The following ZNF462 variants were observed in gnomAD, a reference collection of about 807,000 sequenced individuals.
The protein encoded by ZNF462 is zinc finger PBX1-interacting protein.
ZNF462 carries 10 observed loss-of-function variants against 201.9 expected under a neutral mutation model. The observed-to-expected ratio is 0.05, with a 90% CI of 0.03 to 0.08. The LOEUF (loss-of-function observed/expected upper bound fraction) is 0.08. ZNF462 is among the 10% of genes least tolerant of loss of function. The pLI, the probability that ZNF462 is intolerant of heterozygous loss-of-function variation, is 1.00. For synonymous variants in ZNF462, 1,227 were observed against 1,193.3 expected (o/e 1.03, Z -0.58); for missense variants, 2,523 against 3,168.3 (o/e 0.80, Z 4.89).
intron 9 of ZNF462, among the ~76,000 whole-genome samples, chr9:106,983,567 AG>A (rs1361327131): frequency 3.3e-5 from 5 of 152,252 alleles, no homozygotes; most frequent in Non-Finnish European, 7.3e-5. Context: ...GAGAAATAAT[AG>A]ATTTACAGTT....
intron 1 of ZNF462, among the ~76,000 whole-genome samples, chr9:106,869,544 C>T (rs17787921): frequency 0.014 from 2,138 of 152,248 alleles, 54 homozygotes; most frequent in East Asian, 0.083. Flanking sequence ...TCCTTCCAAA[C>T]GAATGCATCA....
At chr9:106,943,059 C>CGCGTGT (rs374167214) in intron 7 of ZNF462, among the ~76,000 whole-genome samples, 1,471 of 143,226 alleles carry the variant, frequency 0.01, 44 homozygotes, top group African/African-American at 0.034. Flanking sequence ...TTTGCGCGCG[C>CGCGTGT]GTGTGTGTGT....
chr9:106,944,053 A>T (rs1564122654), intron 7 of ZNF462, among the ~76,000 whole-genome samples: 1 of 152,214 alleles, frequency 6.6e-6, no homozygotes, highest in South Asian at 2.1e-4. Context: ...CTGAAGGTTG[A>T]GACAGGGTAT....
At chr9:106,892,810 T>C (rs972254871) in intron 1 of ZNF462, among the ~76,000 whole-genome samples, 1 of 152,080 alleles carries the variant, frequency 6.6e-6, no homozygotes, top group Non-Finnish European at 1.5e-5. Flanking sequence ...ACCCAGAGAC[T>C]TGACATGGAG....
In ZNF462 at chr9:106,888,686, G is replaced by A. The variant is rs538672643; in HGVS notation, c.-31+25331G>A. 9.2e-5 allele frequency among the ~76,000 whole-genome samples: 14 copies of A among 152,246 alleles called. No individual in the cohort carries two copies. In the South Asian group the frequency reaches 2.5e-3, roughly 27 times the overall value. ...CTCCACATCTGTCACTCTTCCCACCGTATTAGCTAATAATGAGAGAGAGTT... is the reference window on the plus strand; with the variant it reads ...CTCCACATCTGTCACTCTTCCCACCATATTAGCTAATAATGAGAGAGAGTT... On this transcript the variant is annotated intron_variant, in intron 1 of 12. Coordinates refer to ENST00000277225, the MANE Select transcript of ZNF462 (RefSeq NM_021224.6).
In ZNF462 at chr9:106,927,416, G is replaced by C; in HGVS notation, c.3504G>C (p.Arg1168=). The part of the protein sequence containing the change: ...RGVEGPQGSP[R]PPAPIQQLNR... ...TCGAAGGGCCCCAAGGCTCCCCCCG[G>C]CCACCCGCCCCCATACAACAGCTGA... Residue 1168 remains arginine, a synonymous_variant, in exon 3 of 13, where the codon CGG becomes CGC. Coordinates refer to ENST00000277225, the MANE Select transcript of ZNF462 (RefSeq NM_021224.6). 6.2e-7 allele frequency: 1 copy of C among 1,613,848 alleles called. No homozygotes were observed. The highest frequency in any genetic ancestry group is 8.5e-7 in the Non-Finnish European group (1 of 1,179,862).
intron 7 of ZNF462, among the ~76,000 whole-genome samples, chr9:106,960,907 A>G (rs1380353815): frequency 2.0e-5 from 3 of 152,138 alleles, no homozygotes; most frequent in East Asian, 3.9e-4. Flanking sequence ...CTGAGCCACT[A>G]CAAGTCTTTA....
At chr9:106,931,751 C>G (rs978391705) in intron 4 of ZNF462, among the ~76,000 whole-genome samples, 1 of 152,198 alleles carries the variant, frequency 6.6e-6, no homozygotes, top group Non-Finnish European at 1.5e-5. Context: ...GATTATGCAG[C>G]AGTCTCCAGT....
chr9:106,935,470 T>C lies in ZNF462; in HGVS notation c.6117-33T>C, dbSNP rs1327234967. 6.3e-7 allele frequency: 1 copy of C among 1,595,622 alleles called. No homozygotes were observed. The highest frequency in any genetic ancestry group is 1.7e-5 in the Admixed American group (1 of 59,942). On this transcript the variant is annotated intron_variant, in intron 5 of 12. Coordinates refer to ENST00000277225, the MANE Select transcript of ZNF462 (RefSeq NM_021224.6). This position sits in a 1 kb window ranked among gnomAD's most constrained non-coding sequence, Gnocchi z 4.1. ...ATCCTCTATGCAATTTTTAATTTTG[T>C]CATTTTTCTTTTTGTTTTCCTTCTA...
chr9:106,924,571 C>T lies in ZNF462; in HGVS notation c.659C>T (p.Pro220Leu). Residue 220 changes from proline (P) to leucine (L), a missense_variant, in exon 3 of 13, where the codon CCA becomes CTA. Around this residue, in one of 15 missense-constraint regions of ZNF462, gnomAD observed 480 missense variants for 544.4 expected, o/e 0.88. Coordinates refer to ENST00000277225, the MANE Select transcript of ZNF462 (RefSeq NM_021224.6). The surrounding 1 kb of genome is among the most constrained non-coding windows in gnomAD (Gnocchi z 6.2). ...VSLQDPCKEL[P>L]AEVVERSILE... ...CTGCAGGACCCCTGCAAGGAACTGC[C>T]AGCAGAGGTTGTGGAGCGCAGCATC... The T allele has an allele frequency of 6.2e-7, 1 of 1,614,162 alleles. No homozygotes were observed. The highest frequency in any genetic ancestry group is 8.5e-7 in the Non-Finnish European group (1 of 1,180,034).
In ZNF462 at chr9:106,905,800, AT is replaced by A. The variant is rs548539350; in HGVS notation, c.-30-17551del. Among the ~76,000 whole-genome samples, 11 of 152,048 alleles carry A rather than the reference AT, an allele frequency of 7.2e-5. No individual in the cohort carries two copies. The highest frequency in any genetic ancestry group is 2.1e-4 in the South Asian group (1 of 4,818). On this transcript the variant is annotated intron_variant, in intron 1 of 12. Transcript: ENST00000277225. This position sits in a 1 kb window ranked among gnomAD's most constrained non-coding sequence, Gnocchi z 5.9. ...GGTGGAGGGCGAGATGGGCTTGAAAATTTCTCTGAGGCTACGCACCTCCCAG... is the reference window on the plus strand; with the variant it reads ...GGTGGAGGGCGAGATGGGCTTGAAAATTCTCTGAGGCTACGCACCTCCCAG...
chr9:106,904,227 T>A (rs1029128475), intron 1 of ZNF462, among the ~76,000 whole-genome samples: 4 of 152,182 alleles, frequency 2.6e-5, no homozygotes, highest in African/African-American at 7.2e-5. Context: ...TGCTGATAAT[T>A]GTTTTGTTTG....
At chr9:106,897,757 A>C (rs1228900212) in intron 1 of ZNF462, among the ~76,000 whole-genome samples, 1 of 152,232 alleles carries the variant, frequency 6.6e-6, no homozygotes, top group African/African-American at 2.4e-5. Context: ...CAGATCTGCT[A>C]GACAGTCTTA....
In ZNF462 at chr9:106,876,362, G is replaced by A. The variant is rs925154973; in HGVS notation, c.-31+13007G>A. Among the ~76,000 whole-genome samples the A allele has an allele frequency of 2.6e-5, 4 of 152,230 alleles. No individual in the cohort carries two copies. Among genetic ancestry groups the A allele is most frequent in the Non-Finnish European group, 4.4e-5 (3 of 68,042 alleles). ...TCACTGATAGAGAAACTGAGGCAGA[G>A]ATCTTCTCCAGGGCTTTGCCCCATT... On this transcript the variant is annotated intron_variant, in intron 1 of 12. Transcript: ENST00000277225. This position sits in a 1 kb window ranked among gnomAD's most constrained non-coding sequence, Gnocchi z 4.9.
In ZNF462 at chr9:107,003,582, G is replaced by A. The variant is rs920418753; in HGVS notation, c.7189+156G>A. Among the ~76,000 whole-genome samples, 2 of 152,148 alleles carry A rather than the reference G, an allele frequency of 1.3e-5. No individual in the cohort carries two copies. The highest frequency in any genetic ancestry group is 2.4e-5 in the African/African-American group (1 of 41,424). On this transcript the variant is annotated intron_variant, in intron 11 of 12. Transcript: ENST00000277225. This position sits in a 1 kb window ranked among gnomAD's most constrained non-coding sequence, Gnocchi z 4.4. ...TGACTTAGAAAACACATCAAGAGCT[G>A]TGTCTTTGTAAACTATTACCAGCTA...
chr9:106,982,048 C>G (rs933110226), intron 9 of ZNF462, among the ~76,000 whole-genome samples: 1 of 152,212 alleles, frequency 6.6e-6, no homozygotes, highest in Non-Finnish European at 1.5e-5. Flanking sequence ...TTCCCATGAA[C>G]TCCTAAGGTC....
At chr9:106,971,579 T>TAAA (rs565277908) in intron 7 of ZNF462, among the ~76,000 whole-genome samples, 63 of 130,966 alleles carry the variant, frequency 4.8e-4, no homozygotes, top group African/African-American at 1.7e-3. Context: ...TCATCCCTCT[T>TAAA]AAAAAAAAAA....
Position 106,973,056 on chromosome 9 carries a change from A to G in ZNF462, c.6695+784A>G, listed in dbSNP as rs550049743. Among the ~76,000 whole-genome samples the G allele has an allele frequency of 2.6e-5, 4 of 152,288 alleles. No individual in the cohort carries two copies. The South Asian group carries it at 8.3e-4, about 32-fold the overall frequency. On this transcript the variant is annotated intron_variant, in intron 8 of 12. Transcript: ENST00000277225. ...TAAAATAAAGATAATAATAGTACCT[A>G]CATCATAGGGCTCTTGTGAGCAATA...
At position 107,011,513 on chromosome 9, in the gene ZNF462, CAAAA is replaced by C. The variant is rs11284528; in HGVS notation, c.*493_*496del. 7.3e-6 allele frequency: 1 copy of C among 137,782 alleles called. No individual in the cohort carries two copies. The highest frequency in any genetic ancestry group is 2.6e-5 in the African/African-American group (1 of 38,666). 8.5% of individuals were successfully genotyped at this position (137,782 alleles called of 1,614,324 possible). A position where few individuals can be genotyped will look rare whatever the true frequency, so the allele number is the denominator to read the frequency against. ...AAAACAAAAAACAAAAAACAGAAAA[CAAAA>C]AAAAAAAAACTGCTTTGCATAAAAC... On this transcript the variant is annotated 3_prime_UTR_variant, in exon 13 of 13. Coordinates refer to ENST00000277225, the MANE Select transcript of ZNF462 (RefSeq NM_021224.6). This position sits in a 1 kb window ranked among gnomAD's most constrained non-coding sequence, Gnocchi z 5.6.
Sources: gnomAD v4.1 joint callset for allele counts (sites outside exome capture counted in the v4.1 genomes callset) on GRCh38, gnomAD v4.1.1 for gene constraint, gnomAD v4.1.1 regional missense constraint, Gnocchi (gnomAD v3.1) non-coding constraint, MANE v1.5 for transcripts, NCBI Gene and HGNC (gene_info 2026-07-23, HGNC 2026-07-21) for gene names.